PKN2: variants seen among roughly 807,000 people sequenced by gnomAD.
PKN2 encodes protein kinase N2, also known as serine/threonine-protein kinase N2.
Under a neutral mutation model 119.1 loss-of-function variants are expected in PKN2, and 38 were observed. The observed-to-expected ratio is 0.32, with a 90% CI of 0.25 to 0.42. The LOEUF (loss-of-function observed/expected upper bound fraction) is 0.42, where lower values mean the gene tolerates loss of function less well. PKN2 is among the 10% of genes least tolerant of loss of function. The pLI is 1.00. For synonymous variants in PKN2, 390 were observed against 384.9 expected, an observed-to-expected ratio of 1.01 and a Z score of -0.15; for missense variants, 850 against 1,165.1, an observed-to-expected ratio of 0.73 and a Z score of 3.94.
Position 88,733,158 on chromosome 1 carries a change from C to T in PKN2, c.49-7830C>T, listed in dbSNP as rs549553132. On this transcript the variant is annotated intron_variant, in intron 1 of 21. Transcript: ENST00000370521. ...TAATGCTGTAATAAACATAGGAGTG[C>T]AGATATCTGTAAAACATACTGATTT... 2.0e-5 allele frequency among the ~76,000 whole-genome samples: 3 copies of T among 152,272 alleles called. No individual in the cohort carries two copies. In the East Asian group the frequency reaches 5.8e-4, roughly 29 times the overall value.
At chr1:88,752,542 A>T (rs545986859) in intron 2 of PKN2, among the ~76,000 whole-genome samples, 10 of 152,170 alleles carry the variant, frequency 6.6e-5, no homozygotes, top group East Asian at 1.9e-4. Context: ...CTATATTTTT[A>T]AAAAATTTGC....
intron 1 of PKN2, among the ~76,000 whole-genome samples, chr1:88,728,688 T>C (rs1269838846): frequency 1.3e-5 from 2 of 152,124 alleles, no homozygotes; most frequent in African/African-American, 4.8e-5. Flanking sequence ...ATTCAGTAAA[T>C]GGATGGTAGA....
intron 1 of PKN2, among the ~76,000 whole-genome samples, chr1:88,739,566 T>C (rs1431310352): frequency 6.6e-6 from 1 of 152,248 alleles, no homozygotes; most frequent in African/African-American, 2.4e-5. Context: ...AGGTCTGTGA[T>C]TCAAAGGTAC....
chr1:88,706,325 G>A (rs530414736), intron 1 of PKN2, among the ~76,000 whole-genome samples: 11 of 152,148 alleles, frequency 7.2e-5, no homozygotes, highest in South Asian at 2.1e-4. Context: ...TTTTCCATAT[G>A]GATCTTGTGT....
chr1:88,806,899 G>A (rs924269891), intron 12 of PKN2, among the ~76,000 whole-genome samples: 1 of 151,886 alleles, frequency 6.6e-6, no homozygotes, highest in South Asian at 2.1e-4. Flanking sequence ...TGTATTTTTA[G>A]TAGAGATAGG....
intron 3 of PKN2, among the ~76,000 whole-genome samples, chr1:88,761,287 C>CCTTTGTA (rs1454514567): frequency 6.6e-6 from 1 of 151,802 alleles, no homozygotes. Flanking sequence ...ATAAAATGTA[C>CCTTTGTA]CTTTGTACTT....
intron 6 of PKN2, among the ~76,000 whole-genome samples, chr1:88,773,157 G>T (rs1247679142): frequency 6.6e-6 from 1 of 150,920 alleles, no homozygotes; most frequent in Non-Finnish European, 1.5e-5. Context: ...TTTTGTCTTT[G>T]GGTTCAAATG....
intron 1 of PKN2, among the ~76,000 whole-genome samples, chr1:88,740,464 T>TAA (rs1668532771): frequency 6.6e-6 from 1 of 152,152 alleles, no homozygotes; most frequent in African/African-American, 2.4e-5. Context: ...TTTTAGTGTT[T>TAA]ACCTATAGAA....
chr1:88,808,312 T>C (rs1671642164), intron 15 of PKN2, among the ~76,000 whole-genome samples: 1 of 152,108 alleles, frequency 6.6e-6, no homozygotes. Context: ...TGTTTATTTA[T>C]TTATTTATTT....
chr1:88,827,533 A>C (rs956792336), intron 18 of PKN2, among the ~76,000 whole-genome samples: 14 of 151,910 alleles, frequency 9.2e-5, no homozygotes, highest in Non-Finnish European at 2.1e-4. Flanking sequence ...GTTGGTGCCC[A>C]AAAAGTTTCA....
At chr1:88,788,979 G>A (rs899038529) in intron 8 of PKN2, among the ~76,000 whole-genome samples, 5 of 152,032 alleles carry the variant, frequency 3.3e-5, no homozygotes, top group East Asian at 1.9e-4. Flanking sequence ...TTAGAATAAC[G>A]TTACTAACAT....
intron 8 of PKN2, among the ~76,000 whole-genome samples, chr1:88,792,767 C>T (rs1670899435): frequency 1.3e-5 from 2 of 152,172 alleles, no homozygotes; most frequent in Admixed American, 1.3e-4. Context: ...GCAGAAGCTA[C>T]AACTGCAAAC....
chr1:88,822,066 A>T (rs750028933), intron 17 of PKN2, 63 bp downstream of exon 17: 1 of 1,337,286 alleles, frequency 7.5e-7, no homozygotes, highest in Non-Finnish European at 9.8e-7. Flanking sequence ...TAAAGATAGT[A>T]TTTTGTTTTT....
At chr1:88,746,786 G>A (rs531981122) in intron 2 of PKN2, among the ~76,000 whole-genome samples, 22 of 152,246 alleles carry the variant, frequency 1.4e-4, no homozygotes, top group South Asian at 1.2e-3. Context: ...AAATCAGCAT[G>A]TTGAAGAGAT....
intron 1 of PKN2, among the ~76,000 whole-genome samples, chr1:88,717,852 G>C (rs950233308): frequency 1.2e-4 from 19 of 152,056 alleles, no homozygotes; most frequent in African/African-American, 4.1e-4. Flanking sequence ...AAGGAGCTGC[G>C]ATCCTTTAGA....
intron 1 of PKN2, among the ~76,000 whole-genome samples, chr1:88,687,723 A>G (rs1449726289): frequency 2.0e-5 from 3 of 152,090 alleles, no homozygotes; most frequent in African/African-American, 7.3e-5. Flanking sequence ...GAAAGTTGAG[A>G]TAGTTACCCT....
chr1:88,763,317 C>T (rs1669520583), intron 3 of PKN2, among the ~76,000 whole-genome samples: 1 of 152,170 alleles, frequency 6.6e-6, no homozygotes, highest in Non-Finnish European at 1.5e-5. Flanking sequence ...AGAAAGTTCA[C>T]ATCCATCCGG....
Position 88,692,656 on chromosome 1 carries a change from G to T in PKN2, c.48+8028G>T, listed in dbSNP as rs75778621. On this transcript the variant is annotated intron_variant, in intron 1 of 21. Transcript: ENST00000370521. ...TTTTTATGTTTGTCGGCCTTTTTAC[G>T]TGGCTTCTTCAGTGAAATTCCTATT... Among the ~76,000 whole-genome samples the T allele has an allele frequency of 5.0e-3, 768 of 152,136 alleles. 3 individuals carry two copies. The highest frequency in any genetic ancestry group is 0.017 in the African/African-American group (723 of 41,516).
rs574377448 is a variant in PKN2, at chr1:88,743,958, G to A, written c.349+2670G>A. On this transcript the variant is annotated intron_variant, in intron 2 of 21. Transcript: ENST00000370521. ...TATACTGTGACTTCTTAATACTTCAGTTTGTTTAGAATAAACTTGATAAGT... is the reference window on the plus strand; with the variant it reads ...TATACTGTGACTTCTTAATACTTCAATTTGTTTAGAATAAACTTGATAAGT... Among the ~76,000 whole-genome samples the A allele has an allele frequency of 3.9e-5, 6 of 152,112 alleles. No individual in the cohort carries two copies. The South Asian group carries it at 1.2e-3, about 32-fold the overall frequency.
Sources: allele counts gnomAD v4.1 joint callset (sites outside exome capture counted in the v4.1 genomes callset), GRCh38; gene constraint gnomAD v4.1.1; transcripts MANE v1.5; gene names NCBI Gene and HGNC (gene_info 2026-07-23, HGNC 2026-07-21).